The following OLA1 variants were observed in gnomAD, a reference collection of about 807,000 sequenced individuals.
OLA1 encodes the protein Obg like ATPase 1.
OLA1 carries 14 observed loss-of-function variants against 48.4 expected under a neutral mutation model. The ratio of observed to expected loss-of-function variants is 0.29; its 90% CI spans 0.19 to 0.45. OLA1 has a LOEUF of 0.45. Among genes scored for constraint, OLA1 ranks in the 20% least tolerant of loss-of-function variants. The pLI is 1.00. For synonymous variants in OLA1, 127 were observed against 150.4 expected (o/e 0.84, Z 1.14); for missense variants, 325 against 467.1 (o/e 0.70, Z 2.80).
At chr2:174,161,685 C>T (rs199819298) in intron 4 of OLA1, among the ~76,000 whole-genome samples, 12,528 of 53,124 alleles carry the variant, frequency 0.24, 1,307 homozygotes, top group East Asian at 0.69. Flanking sequence ...AAAAAATACA[C>T]ACACACACAC....
At chr2:174,121,185 T>C (rs1452759128) in intron 7 of OLA1, among the ~76,000 whole-genome samples, 2 of 152,228 alleles carry the variant, frequency 1.3e-5, no homozygotes, top group African/African-American at 4.8e-5. Flanking sequence ...AAAGGCTATG[T>C]TGCATAAACA....
At chr2:174,156,006 T>G (rs1686868785) in intron 4 of OLA1, among the ~76,000 whole-genome samples, 1 of 152,232 alleles carries the variant, frequency 6.6e-6, no homozygotes, top group South Asian at 2.1e-4. Context: ...TAGTTTCCTC[T>G]GTAAAATGTA....
chr2:174,093,006 C>T (rs962105281), intron 7 of OLA1, among the ~76,000 whole-genome samples: 1 of 152,220 alleles, frequency 6.6e-6, no homozygotes. Context: ...TTAGATCATT[C>T]CCGAATCTCC....
At chr2:174,116,417 T>A (rs1034622941) in intron 7 of OLA1, among the ~76,000 whole-genome samples, 2 of 152,238 alleles carry the variant, frequency 1.3e-5, no homozygotes, top group Non-Finnish European at 2.9e-5. Context: ...GTTTAAGTAA[T>A]GTTACTGATC....
chr2:174,091,748 C>T (rs1170411766), intron 7 of OLA1, among the ~76,000 whole-genome samples: 1 of 151,388 alleles, frequency 6.6e-6, no homozygotes, highest in Non-Finnish European at 1.5e-5. Context: ...GTGGCGGGCA[C>T]CTGTAGTCCC....
At chr2:174,096,430 T>C (rs1220513623) in intron 7 of OLA1, among the ~76,000 whole-genome samples, 1 of 152,136 alleles carries the variant, frequency 6.6e-6, no homozygotes, top group Non-Finnish European at 1.5e-5. Context: ...GTGAATTATA[T>C]CTAAAAAATA....
intron 4 of OLA1, among the ~76,000 whole-genome samples, chr2:174,193,455 T>A (rs954017153): frequency 1.3e-5 from 2 of 152,130 alleles, no homozygotes; most frequent in African/African-American, 4.8e-5. Flanking sequence ...TTTAAATACA[T>A]CTCATGGTTT....
At position 174,232,620 on chromosome 2, in the gene OLA1, C is replaced by T. The variant is rs980886714; in HGVS notation, c.102-3169G>A. 2.6e-5 allele frequency among the ~76,000 whole-genome samples: 4 copies of T among 152,058 alleles called. No homozygotes were observed. In the South Asian group the frequency reaches 8.3e-4, roughly 32 times the overall value. ...TAAAAAAATATGAAAAGATGCTCAA[C>T]CACTAATCACTAGAGAAATGCAAAT... On this transcript the variant is annotated intron_variant, in intron 2 of 10. Coordinates refer to ENST00000284719, the MANE Select transcript of OLA1 (RefSeq NM_013341.5).
chr2:174,145,927 C>T (rs1480334525), intron 4 of OLA1, among the ~76,000 whole-genome samples: 3 of 152,178 alleles, frequency 2.0e-5, no homozygotes, highest in Admixed American at 6.5e-5. Flanking sequence ...TGATAGAGCA[C>T]GTATGTGTGT....
At chr2:174,080,021 A>G (rs1277916989) in intron 9 of OLA1, among the ~76,000 whole-genome samples, 1 of 152,092 alleles carries the variant, frequency 6.6e-6, no homozygotes, top group East Asian at 1.9e-4. Flanking sequence ...AGGCTTTAAA[A>G]TACATCTTTA....
intron 7 of OLA1, among the ~76,000 whole-genome samples, chr2:174,105,838 A>T (rs764811748): frequency 2.0e-5 from 3 of 152,030 alleles, no homozygotes; most frequent in Non-Finnish European, 4.4e-5. Flanking sequence ...CTTGAAGCAA[A>T]AATGAGTACG....
At chr2:174,107,614 A>T (rs67277246) in intron 7 of OLA1, among the ~76,000 whole-genome samples, 17,231 of 152,186 alleles carry the variant, frequency 0.11, 2,288 homozygotes, top group East Asian at 0.72. Context: ...CATAAAATAC[A>T]GTTGTCACAG....
chr2:174,132,020 A>C lies in OLA1; in HGVS notation c.550-8345T>G, dbSNP rs540020428. ...ACATTTCTTTATAGTAAGGTTTAAA[A>C]TTATGAGTTCGATTTCTTTGATAGA... On this transcript the variant is annotated intron_variant, in intron 5 of 10. Coordinates refer to ENST00000284719, the MANE Select transcript of OLA1 (RefSeq NM_013341.5). Among the ~76,000 whole-genome samples, 5 of 152,208 alleles carry C rather than the reference A, an allele frequency of 3.3e-5. No individual in the cohort carries two copies. The South Asian group carries it at 1.0e-3, about 32-fold the overall frequency.
rs564233671 is a variant in OLA1, at chr2:174,215,251, A to G, written c.373+7782T>C. Among the ~76,000 whole-genome samples the G allele has an allele frequency of 2.6e-4, 40 of 152,316 alleles. 1 individual carries two copies. Among genetic ancestry groups the G allele is most frequent in the African/African-American group, 9.4e-4 (39 of 41,584 alleles). On this transcript the variant is annotated intron_variant, in intron 4 of 10. Coordinates refer to ENST00000284719, the MANE Select transcript of OLA1 (RefSeq NM_013341.5). ...GTGGTGGTTTTATGAATCTATAAGC[A>G]TGTTAAATTCATAGAACTGTAAACC...
At position 174,199,572 on chromosome 2, in the gene OLA1, G is replaced by A. The variant is rs561802155; in HGVS notation, c.373+23461C>T. Reference sequence around the variant, plus strand: ...AAAGATTTTTCTGATGAGATCTGTGGTGATATCAACAGATTTGATTTTTTT... The same window carrying A: ...AAAGATTTTTCTGATGAGATCTGTGATGATATCAACAGATTTGATTTTTTT... On this transcript the variant is annotated intron_variant, in intron 4 of 10. Coordinates refer to ENST00000284719, the MANE Select transcript of OLA1 (RefSeq NM_013341.5). Among the ~76,000 whole-genome samples, 5 of 152,210 alleles carry A rather than the reference G, an allele frequency of 3.3e-5. No individual in the cohort carries two copies. The South Asian group carries it at 1.0e-3, about 32-fold the overall frequency.
At chr2:174,149,028 A>G (rs935925197) in intron 4 of OLA1, among the ~76,000 whole-genome samples, 2 of 152,080 alleles carry the variant, frequency 1.3e-5, no homozygotes, top group Admixed American at 6.5e-5. Flanking sequence ...TCCTCTAGTT[A>G]TTGCTTTCAT....
intron 7 of OLA1, among the ~76,000 whole-genome samples, chr2:174,089,725 A>G (rs531005812): frequency 6.6e-6 from 1 of 151,876 alleles, no homozygotes; most frequent in Non-Finnish European, 1.5e-5. Context: ...AACATGGTGA[A>G]ACGACGTTTC....
chr2:174,214,663 T>G (rs1688321040), intron 4 of OLA1, among the ~76,000 whole-genome samples: 1 of 152,218 alleles, frequency 6.6e-6, no homozygotes, highest in Non-Finnish European at 1.5e-5. Context: ...CATATTATCC[T>G]GTATTTTCCA....
intron 5 of OLA1, among the ~76,000 whole-genome samples, chr2:174,134,187 T>G (rs931908700): frequency 2.6e-5 from 4 of 152,232 alleles, no homozygotes; most frequent in Admixed American, 2.6e-4. Context: ...GTGTTGGGTA[T>G]ATACACAGAA....
Sources: allele counts gnomAD v4.1 joint callset (sites outside exome capture counted in the v4.1 genomes callset), GRCh38; gene constraint gnomAD v4.1.1; transcripts MANE v1.5; gene names NCBI Gene and HGNC (gene_info 2026-07-23, HGNC 2026-07-21).